The following SMYD4 variants were observed in gnomAD, a reference collection of about 807,000 sequenced individuals.
SMYD4 encodes the protein protein-lysine N-methyltransferase SMYD4.
In SMYD4, 68 loss-of-function variants were observed where a neutral mutation model predicts 72.8. That is an observed-to-expected ratio of 0.93 (90% CI 0.77 to 1.14). SMYD4 has a LOEUF of 1.14. Ranked by LOEUF, SMYD4 falls within the 50% of genes most tolerant of loss-of-function variation. The pLI is 0.00. For missense variants in SMYD4, 984 were observed against 1,003.7 expected, an observed-to-expected ratio of 0.98 and a Z score of 0.27; for synonymous variants, 407 against 388.6, an observed-to-expected ratio of 1.05 and a Z score of -0.56.
intron 2 of SMYD4, among the ~76,000 whole-genome samples, chr17:1,813,700 C>T (rs574555786): frequency 2.8e-4 from 43 of 152,144 alleles, no homozygotes; most frequent in African/African-American, 1.0e-3. Flanking sequence ...CAGGTGTGAG[C>T]CACTGTGCCT....
chr17:1,805,523 G>A (rs1909986024), intron 3 of SMYD4, among the ~76,000 whole-genome samples: 1 of 151,946 alleles, frequency 6.6e-6, no homozygotes, highest in African/African-American at 2.4e-5. Context: ...TAAAACTACT[G>A]GGATGAGACC....
intron 2 of SMYD4, among the ~76,000 whole-genome samples, chr17:1,827,170 AT>A (rs1389947753): frequency 6.6e-6 from 1 of 151,572 alleles, no homozygotes; most frequent in Non-Finnish European, 1.5e-5. Context: ...ATAAAATAAA[AT>A]AAAAATAAAT....
In SMYD4 at chr17:1,780,028, G is replaced by C. The variant is rs1285927815; in HGVS notation, c.*1258C>G. On this transcript the variant is annotated 3_prime_UTR_variant, in exon 11 of 11. Coordinates refer to ENST00000305513, the MANE Select transcript of SMYD4 (RefSeq NM_052928.3). ...CCTTTTAAAGGACTTGGAATCTCCA[G>C]ATACTAGTTTTAAGTCTTTTCTGGG... The C allele has an allele frequency of 6.6e-6, 1 of 152,426 alleles. No homozygotes were observed. Among genetic ancestry groups the C allele is most frequent in the Non-Finnish European group, 1.5e-5 (1 of 68,028 alleles). The allele number at this position is 152,426 out of a possible 1,614,324, so 9.4% of individuals were successfully genotyped here.
intron 5 of SMYD4, among the ~76,000 whole-genome samples, chr17:1,789,391 CA>C (rs907053158): frequency 8.3e-4 from 122 of 147,648 alleles, no homozygotes; most frequent in African/African-American, 3.0e-3. Context: ...TCTCGCAAAA[CA>C]AAAAAAACAA....
Position 1,781,418 on chromosome 17 carries a change from C to G in SMYD4, c.2283G>C (p.Leu761=), listed in dbSNP as rs371815483. The G allele has an allele frequency of 2.5e-6, 4 of 1,613,874 alleles. No individual in the cohort carries two copies. The highest frequency in any genetic ancestry group is 3.4e-6 in the Non-Finnish European group (4 of 1,179,998). The change falls in exon 11 of 11, where the codon CTG becomes CTC. Residue 761 remains leucine (L), a synonymous_variant. Coordinates refer to ENST00000305513, the MANE Select transcript of SMYD4 (RefSeq NM_052928.3). ...FFNGFAVPEA[L]STIQKAEEVL... is the part of the protein sequence containing the mutation. The stretch of plus-strand genomic sequence containing the variant: ...CCTCCTCAGCTTTCTGTATTGTGCT[C>G]AGGGCTTCGGGTACTGCAAACCTGA...
At chr17:1,809,853 T>G (rs980652060) in intron 3 of SMYD4, among the ~76,000 whole-genome samples, 1 of 151,852 alleles carries the variant, frequency 6.6e-6, no homozygotes, top group Non-Finnish European at 1.5e-5. Flanking sequence ...GTATTTTTAG[T>G]AGAGATGGGG....
intron 2 of SMYD4, among the ~76,000 whole-genome samples, chr17:1,819,714 A>G (rs568206266): frequency 6.8e-4 from 104 of 152,288 alleles, no homozygotes; most frequent in African/African-American, 2.2e-3. Flanking sequence ...TCTTTGGTAA[A>G]GACAAACTTT....
intron 4 of SMYD4, among the ~76,000 whole-genome samples, chr17:1,803,149 C>G (rs1218449511): frequency 2.0e-5 from 3 of 151,872 alleles, no homozygotes; most frequent in African/African-American, 4.8e-5. Flanking sequence ...CTCAAAAAAA[C>G]AAAACAAAAC....
At chr17:1,818,189 A>C (rs1910726956) in intron 2 of SMYD4, among the ~76,000 whole-genome samples, 2 of 152,158 alleles carry the variant, frequency 1.3e-5, no homozygotes, top group African/African-American at 4.8e-5. Context: ...CAGAAAAAAA[A>C]CACATTTTTT....
At position 1,799,242 on chromosome 17, in the gene SMYD4, C is replaced by G. The variant is rs1202170185; in HGVS notation, c.1537+615G>C. 7.5e-5 allele frequency among the ~76,000 whole-genome samples: 11 copies of G among 146,438 alleles called. No individual in the cohort carries two copies. In the South Asian group the frequency reaches 2.4e-3, roughly 32 times the overall value. ...CCACTGCACCCCAGCCTGGGGGTGA[C>G]AGAGTGAGACTCCGTCTCAAAAAAA... On this transcript the variant is annotated intron_variant, in intron 5 of 10. Coordinates refer to ENST00000305513, the MANE Select transcript of SMYD4 (RefSeq NM_052928.3).
chr17:1,783,868 G>A (rs559420135), intron 8 of SMYD4: 2 of 305,118 alleles, frequency 6.6e-6, no homozygotes, highest in East Asian at 7.8e-5. Flanking sequence ...GGGCAATGGG[G>A]AGCTCCGCAA....
intron 2 of SMYD4, among the ~76,000 whole-genome samples, chr17:1,824,284 A>T (rs1053441074): frequency 6.6e-6 from 1 of 152,202 alleles, no homozygotes; most frequent in South Asian, 2.1e-4. Flanking sequence ...CACAAGTTGC[A>T]GTGAGCTGAG....
intron 5 of SMYD4, among the ~76,000 whole-genome samples, chr17:1,790,838 A>G (rs894646247): frequency 2.0e-5 from 3 of 151,512 alleles, no homozygotes; most frequent in African/African-American, 7.3e-5. Context: ...TAAAGAAAAA[A>G]GATTCATGCC....
At chr17:1,815,731 G>A (rs952052162) in intron 2 of SMYD4, among the ~76,000 whole-genome samples, 6 of 148,596 alleles carry the variant, frequency 4.0e-5, no homozygotes, top group South Asian at 2.1e-4. Flanking sequence ...ACGAAGTCTC[G>A]CTCTGTCACC....
At chr17:1,818,208 A>C (rs1191699916) in intron 2 of SMYD4, among the ~76,000 whole-genome samples, 1 of 152,160 alleles carries the variant, frequency 6.6e-6, no homozygotes, top group Admixed American at 6.6e-5. Flanking sequence ...TTCTTTCTCC[A>C]GCCTTGCCAT....
At chr17:1,799,117 G>C (rs1266589585) in intron 5 of SMYD4, among the ~76,000 whole-genome samples, 1 of 150,928 alleles carries the variant, frequency 6.6e-6, no homozygotes, top group Non-Finnish European at 1.5e-5. Flanking sequence ...AAATTAGCCG[G>C]GCGTGGTGGC....
rs748721575 is a variant in SMYD4 at position 1,812,033 on chromosome 17, C to T, written c.217G>A (p.Glu73Lys). ...KDSDAPLFYR[E>K]EGNKKFQEKD... is the part of the protein sequence containing the mutation. Reference sequence around the variant, plus strand: ...TCCTGAAATTTTTTGTTTCCTTCTTCTCTGTAGAAAAGAGGAGCGTCCGAG... The same window carrying T: ...TCCTGAAATTTTTTGTTTCCTTCTTTTCTGTAGAAAAGAGGAGCGTCCGAG... Residue 73 changes from glutamate to lysine, a missense_variant, in exon 3 of 11, where the codon GAA (glutamate) becomes AAA (lysine). Coordinates refer to ENST00000305513, the MANE Select transcript of SMYD4 (RefSeq NM_052928.3). 3.9e-5 allele frequency: 63 copies of T among 1,613,980 alleles called. No homozygotes were observed. The highest frequency in any genetic ancestry group is 5.2e-5 in the Non-Finnish European group (61 of 1,179,990).
chr17:1,817,503 G>A lies in SMYD4; in HGVS notation c.135-5388C>T, dbSNP rs150362960. ...GCTCCAGGCATGCGCCACCATGCCT[G>A]GCTATATTATTTGTAGAGACGGGGT... On this transcript the variant is annotated intron_variant, in intron 2 of 10. Transcript: ENST00000305513. 2.2e-3 allele frequency among the ~76,000 whole-genome samples: 326 copies of A among 145,982 alleles called. 2 individuals carry two copies. The highest frequency in any genetic ancestry group is 7.7e-3 in the African/African-American group (316 of 41,238).
chr17:1,828,135 G>A (rs1911299873), intron 1 of SMYD4, 129 bp from the exon 2 acceptor site: 1 of 800,544 alleles, frequency 1.2e-6, no homozygotes, highest in African/African-American at 1.7e-5. Context: ...TGGATCACGA[G>A]GTCAGGAGAT....
Sources: gnomAD v4.1 joint callset for allele counts (sites outside exome capture counted in the v4.1 genomes callset) on GRCh38, gnomAD v4.1.1 for gene constraint, MANE v1.5 for transcripts, NCBI Gene and HGNC (gene_info 2026-07-23, HGNC 2026-07-21) for gene names.